VTI1A: variants seen among roughly 807,000 people sequenced by gnomAD.
VTI1A encodes the protein vesicle transport through interaction with t-SNAREs homolog 1A.
VTI1A carries 22 observed loss-of-function variants against 34.9 expected under a neutral mutation model. The ratio of observed to expected loss-of-function variants is 0.63; its 90% CI spans 0.45 to 0.90. The LOEUF is 0.90. Ranked by LOEUF, VTI1A falls within the 40% of genes least tolerant of loss-of-function variation. The pLI, the probability that VTI1A is intolerant of heterozygous loss-of-function variation, is 0.00. For missense variants in VTI1A, 268 were observed against 275.6 expected, an observed-to-expected ratio of 0.97 and a Z score of 0.20; for synonymous variants, 87 against 97.3, an observed-to-expected ratio of 0.89 and a Z score of 0.62.
intron 5 of VTI1A, among the ~76,000 whole-genome samples, chr10:112,605,732 T>TA (rs1278056730): frequency 1.3e-5 from 2 of 152,098 alleles, no homozygotes; most frequent in Non-Finnish European, 2.9e-5. Context: ...CCTCCACAAT[T>TA]ATGATGGCTT....
Position 112,447,432 on chromosome 10 carries a change from C to A in VTI1A, c.59C>A (p.Thr20Asn), listed in dbSNP as rs1045865161. ...QDFAVLTAEITSKIARVPRLP... is the reference protein window; with the variant it reads ...QDFAVLTAEINSKIARVPRLP... ...TTCGCGGTGCTCACTGCAGAGATCACCAGCAAGATTGCGAGGGTCCCACGA... is the reference window on the plus strand; with the variant it reads ...TTCGCGGTGCTCACTGCAGAGATCAACAGCAAGATTGCGAGGGTCCCACGA... The change falls in exon 1 of 8, where the codon ACC becomes AAC. Residue 20 changes from threonine to asparagine, a missense_variant. Thr to Asn is a moderately conservative substitution (Grantham distance 65). Transcript: ENST00000393077. 1 of 1,613,586 alleles carries A rather than the reference C, an allele frequency of 6.2e-7. No individual in the cohort carries two copies. The highest frequency in any genetic ancestry group is 1.3e-5 in the African/African-American group (1 of 74,922).
intron 3 of VTI1A, among the ~76,000 whole-genome samples, chr10:112,491,496 A>G (rs1034257761): frequency 5.9e-5 from 9 of 152,326 alleles, no homozygotes; most frequent in South Asian, 4.1e-4. Context: ...GCACTGTTCA[A>G]TAGAAGTGTT....
intron 7 of VTI1A, chr10:112,671,732 T>A (rs1335981163): frequency 1.3e-5 from 2 of 152,156 alleles, no homozygotes; most frequent in African/African-American, 2.4e-5. Context: ...CCAAAAGGAA[T>A]TGGAGAAATC....
chr10:112,850,221 G>A, the VTI1A span, among the ~76,000 whole-genome samples: 1 of 152,044 alleles, frequency 6.6e-6, no homozygotes, highest in Non-Finnish European at 1.5e-5. Context: ...TTATTACCTG[G>A]CTTTGGAGAC....
the VTI1A span, among the ~76,000 whole-genome samples, chr10:112,842,610 A>G: frequency 1.3e-5 from 2 of 152,214 alleles, no homozygotes; most frequent in Non-Finnish European, 2.9e-5. Flanking sequence ...TTCTGTATAA[A>G]GGTCCTTCAG....
chr10:112,592,275 A>T (rs150291091), intron 5 of VTI1A, among the ~76,000 whole-genome samples: 75 of 152,276 alleles, frequency 4.9e-4, no homozygotes, highest in African/African-American at 1.7e-3. Context: ...CACCTAAAGA[A>T]CTGTGAGATC....
the VTI1A span, among the ~76,000 whole-genome samples, chr10:112,844,169 C>T: frequency 0.018 from 2,728 of 152,238 alleles, 83 homozygotes; most frequent in African/African-American, 0.062. Flanking sequence ...AAACAAAAGG[C>T]CCCCCTGGAG....
chr10:112,737,345 T>C (rs1160799067), intron 7 of VTI1A: 1 of 1,023,766 alleles, frequency 9.8e-7, no homozygotes, highest in Non-Finnish European at 1.2e-6. Flanking sequence ...ACCCTAACAA[T>C]TATTTTTAAA....
At chr10:112,634,516 C>G (rs1156972383) in intron 5 of VTI1A, among the ~76,000 whole-genome samples, 52 of 6,548 alleles carry the variant, frequency 7.9e-3, no homozygotes, top group African/African-American at 0.022. Context: ...CACACACATA[C>G]ACACACACAC....
intron 5 of VTI1A, among the ~76,000 whole-genome samples, chr10:112,627,651 A>T (rs887680250): frequency 6.6e-6 from 1 of 152,156 alleles, no homozygotes; most frequent in East Asian, 1.9e-4. Flanking sequence ...ATGCACACAT[A>T]CATGTGCATA....
chr10:112,447,920 A>G (rs1846986722), intron 1 of VTI1A, among the ~76,000 whole-genome samples: 2 of 152,224 alleles, frequency 1.3e-5, no homozygotes, highest in Admixed American at 1.3e-4. Context: ...CCTAGATTCA[A>G]ATCCTACCTC....
the VTI1A span, among the ~76,000 whole-genome samples, chr10:112,834,391 CA>C: frequency 6.6e-6 from 1 of 152,170 alleles, no homozygotes; most frequent in Non-Finnish European, 1.5e-5. Context: ...ATCAAGAGCA[CA>C]AACCAGATGA....
intron 5 of VTI1A, among the ~76,000 whole-genome samples, chr10:112,561,982 C>T (rs1162424802): frequency 6.6e-6 from 1 of 152,198 alleles, no homozygotes; most frequent in East Asian, 1.9e-4. Context: ...ACCAATTCCA[C>T]CTGAAGTTCT....
chr10:112,747,919 A>G (rs1390258814), intron 7 of VTI1A, among the ~76,000 whole-genome samples: 1 of 152,196 alleles, frequency 6.6e-6, no homozygotes, highest in African/African-American at 2.4e-5. Flanking sequence ...TGGAGGGTAC[A>G]GTGGCAATCC....
At chr10:112,648,919 C>T (rs536340307) in intron 5 of VTI1A, among the ~76,000 whole-genome samples, 1 of 152,124 alleles carries the variant, frequency 6.6e-6, no homozygotes, top group South Asian at 2.1e-4. Context: ...TTTCTTTACT[C>T]ATCTATTAAG....
At chr10:112,522,176 C>G (rs1164637211) in intron 3 of VTI1A, among the ~76,000 whole-genome samples, 2 of 151,952 alleles carry the variant, frequency 1.3e-5, no homozygotes, top group Non-Finnish European at 2.9e-5. Flanking sequence ...TTCTTTGGAG[C>G]AGTTAAATTC....
intron 7 of VTI1A, among the ~76,000 whole-genome samples, chr10:112,806,212 A>G (rs984810154): frequency 6.6e-6 from 1 of 152,208 alleles, no homozygotes; most frequent in Non-Finnish European, 1.5e-5. Context: ...GATGTTAGCC[A>G]GTGGGGGCTA....
chr10:112,700,528 A>G (rs1043558585), intron 7 of VTI1A, among the ~76,000 whole-genome samples: 1 of 152,260 alleles, frequency 6.6e-6, no homozygotes, highest in Non-Finnish European at 1.5e-5. Flanking sequence ...CCTCAAATGC[A>G]TAATAAACAT....
chr10:112,620,767 G>A (rs1011720424), intron 5 of VTI1A, among the ~76,000 whole-genome samples: 2 of 149,932 alleles, frequency 1.3e-5, no homozygotes, highest in Non-Finnish European at 3.0e-5. Flanking sequence ...TCCAGCCTGG[G>A]CAATAAGACC....
Sources: gnomAD v4.1 joint callset for allele counts (sites outside exome capture counted in the v4.1 genomes callset) on GRCh38, gnomAD v4.1.1 for gene constraint, MANE v1.5 for transcripts, NCBI Gene and HGNC (gene_info 2026-07-23, HGNC 2026-07-21) for gene names.